ANAPC15: variants seen among roughly 807,000 people sequenced by gnomAD.
ANAPC15 encodes the protein anaphase promoting complex subunit 15.
In ANAPC15, 13 loss-of-function variants were observed where a neutral mutation model predicts 19.8. That is an observed-to-expected ratio of 0.66 (90% confidence interval 0.43 to 1.04). The LOEUF (loss-of-function observed/expected upper bound fraction) is 1.04, where lower values mean the gene tolerates loss of function less well. ANAPC15 is among the 50% of genes least tolerant of loss of function. The pLI is 0.00. For synonymous variants in ANAPC15, 45 were observed against 50.7 expected (o/e 0.89, Z 0.47); for missense variants, 88 against 150.3 (o/e 0.59, Z 2.17).
At chr11:72,108,736 G>A, downstream of ANAPC15, 1 of 1,550,442 alleles carries the variant, frequency 6.4e-7, no homozygotes, top group Non-Finnish European at 8.7e-7. Flanking sequence ...AGCTGCTGGA[G>A]GCCCATGCCC....
At chr11:72,109,040 G>A (rs1256219713), downstream of ANAPC15, 4 of 916,546 alleles carry the variant, frequency 4.4e-6, no homozygotes, top group Non-Finnish European at 4.8e-6. Context: ...CTCAGGGCTA[G>A]GGAGTCTCTC....
At chr11:72,106,960 A>C (rs1945749986), downstream of ANAPC15, 1 of 153,916 alleles carries the variant, frequency 6.5e-6, no homozygotes. Context: ...AAAAAAAAGA[A>C]AAAGAAAAGA....
chr11:72,108,712 C>T (rs1945995887), downstream of ANAPC15: 3 of 1,549,540 alleles, frequency 1.9e-6, no homozygotes, highest in South Asian at 1.2e-5. Flanking sequence ...CACGATGTTA[C>T]CTGAGGGACC....
downstream of ANAPC15, chr11:72,109,061 T>C (rs1946055794): frequency 2.7e-6 from 2 of 748,864 alleles, no homozygotes; most frequent in Non-Finnish European, 4.2e-6. Context: ...TTCCCACCTC[T>C]GACCTCTTTC....
downstream of ANAPC15, chr11:72,106,454 TG>T (rs1360451947): frequency 2.5e-6 from 1 of 406,412 alleles, no homozygotes; most frequent in African/African-American, 2.0e-5. Context: ...GCCACAGAGA[TG>T]AATGAGCCAC....
At chr11:72,108,839 C>T (rs878981648), downstream of ANAPC15, 11 of 1,550,688 alleles carry the variant, frequency 7.1e-6, no homozygotes, top group Middle Eastern at 3.3e-4. Context: ...TGGCCGCTAC[C>T]GCTGCCGCCT....
chr11:72,107,976 T>C, downstream of ANAPC15: 1 of 1,551,712 alleles, frequency 6.4e-7, no homozygotes, highest in South Asian at 1.2e-5. Context: ...TGTGCTGGAA[T>C]TGGGAACCTA....
At chr11:72,107,972 G>A (rs544680153), downstream of ANAPC15, 14 of 1,551,698 alleles carry the variant, frequency 9.0e-6, no homozygotes, top group African/African-American at 1.8e-4. Context: ...CTTGTGTGCT[G>A]GAATTGGGAA....
downstream of ANAPC15, chr11:72,107,095 C>A: frequency 3.6e-6 from 1 of 278,178 alleles, no homozygotes; most frequent in Admixed American, 5.4e-5. Context: ...GCAAGACCCC[C>A]GTTTCTACAA....
rs1036982068 is a variant in ANAPC15, at chr11:72,111,395, C to G, written c.-11+17G>C. The stretch of plus-strand genomic sequence containing the variant: ...GACAGCAGGAAAGCAGCCCCTCCCC[C>G]TAGGAATCAGACAGACCTGGCTTTG... On this transcript the variant is annotated intron_variant, in intron 2 of 5. Transcript: ENST00000227618. 9 of 831,450 alleles carry G rather than the reference C, an allele frequency of 1.1e-5. No homozygotes were observed. The highest frequency in any genetic ancestry group is 1.0e-4 in the African/African-American group (6 of 58,566). 51.5% of individuals were successfully genotyped at this position (831,450 alleles called of 1,614,324 possible).
chr11:72,107,662 A>AAGTTCAATCCC (rs1474655426), downstream of ANAPC15: 360 of 619,686 alleles, frequency 5.8e-4, no homozygotes, highest in Non-Finnish European at 2.1e-4. Context: ...TGAGAATCCC[A>AAGTTCAATCCC]AGTTCAATCC....
At chr11:72,108,033 G>A (rs1483313442), downstream of ANAPC15, 2 of 1,551,550 alleles carry the variant, frequency 1.3e-6, no homozygotes, top group East Asian at 2.4e-5. Flanking sequence ...GCCCCCTGGG[G>A]GTCGCCTTCT....
downstream of ANAPC15, chr11:72,108,845 C>G (rs368590279): frequency 6.4e-7 from 1 of 1,550,578 alleles, no homozygotes; most frequent in Non-Finnish European, 8.7e-7. Context: ...CTACCGCTGC[C>G]GCCTCCACCA....
chr11:72,109,171 T>C (rs1005820299), downstream of ANAPC15: 13 of 531,866 alleles, frequency 2.4e-5, no homozygotes, highest in Non-Finnish European at 4.1e-5. Context: ...GCAAGAAGCC[T>C]GAGCTCCCGA....
chr11:72,110,624 G>A (rs764658753), intron 3 of ANAPC15, 21 bp from the exon 4 acceptor site: 2 of 1,614,142 alleles, frequency 1.2e-6, no homozygotes, highest in South Asian at 2.2e-5. Flanking sequence ...AGGCACAGAG[G>A]AACAAGGCCA....
In ANAPC15 at chr11:72,111,294, A is replaced by G; in HGVS notation, c.-10-8T>C. On this transcript the variant is annotated splice_polypyrimidine_tract_variant and splice_region_variant and intron_variant, in intron 2 of 5. Coordinates refer to ENST00000227618, the MANE Select transcript of ANAPC15 (RefSeq NM_014042.3). ...GTGGACATGGCTCCTAGACTGAGGG[A>G]AAGGGTCAAGTGAATGTGTTTTGCT... The G allele has an allele frequency of 6.3e-7, 1 of 1,582,902 alleles. No individual in the cohort carries two copies. Among genetic ancestry groups the G allele is most frequent in the Non-Finnish European group, 8.7e-7 (1 of 1,152,984 alleles).
At chr11:72,112,317 C>G (rs1441520336) in intron 1 of ANAPC15, 1 of 167,180 alleles carries the variant, frequency 6.0e-6, no homozygotes, top group African/African-American at 2.4e-5. Flanking sequence ...ACGATAATGA[C>G]CATGCAGTTG....
downstream of ANAPC15, chr11:72,108,717 G>A: frequency 6.5e-7 from 1 of 1,549,794 alleles, no homozygotes; most frequent in Admixed American, 2.0e-5. Flanking sequence ...TGTTACCTGA[G>A]GGACCTGCAG....
At chr11:72,110,703 T>C in intron 3 of ANAPC15, 100 bp from the exon 4 acceptor site, 3 of 1,302,248 alleles carry the variant, frequency 2.3e-6, no homozygotes, top group Non-Finnish European at 3.2e-6. Context: ...CCACACGTGT[T>C]GGGGAGAAGC....
Sources: gnomAD v4.1 joint callset for allele counts on GRCh38, gnomAD v4.1.1 for gene constraint, MANE v1.5 for transcripts, NCBI Gene and HGNC (gene_info 2026-07-23, HGNC 2026-07-21) for gene names.